The following LMX1A variants were observed in gnomAD, a reference collection of about 807,000 sequenced individuals.
LMX1A encodes the protein LIM homeobox transcription factor 1 alpha.
A neutral mutation model predicts 49.1 loss-of-function variants in LMX1A; 15 were observed. The observed-to-expected ratio is 0.31, with a 90% CI of 0.20 to 0.47. The LOEUF (loss-of-function observed/expected upper bound fraction) is 0.47, where lower values mean the gene tolerates loss of function less well. Among genes scored for constraint, LMX1A ranks in the 20% least tolerant of loss-of-function variants. LMX1A has a pLI of 1.00. For synonymous variants in LMX1A, 167 were observed against 185.7 expected, an observed-to-expected ratio of 0.90 and a Z score of 0.82; for missense variants, 372 against 475.8, an observed-to-expected ratio of 0.78 and a Z score of 2.03.
intron 3 of LMX1A, among the ~76,000 whole-genome samples, chr1:165,319,194 C>T (rs930727892): frequency 1.3e-5 from 2 of 152,106 alleles, no homozygotes; most frequent in South Asian, 4.2e-4. Context: ...ATTACCTCTA[C>T]TATTTAAATA....
intron 4 of LMX1A, among the ~76,000 whole-genome samples, chr1:165,241,794 T>C (rs1325863150): frequency 1.3e-5 from 2 of 152,158 alleles, no homozygotes; most frequent in Admixed American, 6.5e-5. Context: ...TGAAATACTT[T>C]TGTAACGAAT....
At chr1:165,341,894 C>A (rs1417760554) in intron 3 of LMX1A, among the ~76,000 whole-genome samples, 1 of 152,090 alleles carries the variant, frequency 6.6e-6, no homozygotes, top group Non-Finnish European at 1.5e-5. Flanking sequence ...AATTAATGAA[C>A]CAACTGTTTA....
intron 3 of LMX1A, among the ~76,000 whole-genome samples, chr1:165,337,226 A>G (rs1324368849): frequency 1.3e-5 from 2 of 152,260 alleles, no homozygotes; most frequent in African/African-American, 4.8e-5. Context: ...CTGAGAGTTA[A>G]GGCCACAATT....
chr1:165,279,510 G>T lies in LMX1A; in HGVS notation c.264-29870C>A, dbSNP rs543600846. On this transcript the variant is annotated intron_variant, in intron 3 of 8. Coordinates refer to ENST00000342310, the MANE Select transcript of LMX1A (RefSeq NM_177398.4). ...ATTAATTCCATCTACAATGCCATCTGCCCTTGAGAGAGAAGGCTGGTGCTG... is the reference window on the plus strand; with the variant it reads ...ATTAATTCCATCTACAATGCCATCTTCCCTTGAGAGAGAAGGCTGGTGCTG... 3.9e-5 allele frequency among the ~76,000 whole-genome samples: 6 copies of T among 152,302 alleles called. No homozygotes were observed. In the East Asian group the frequency reaches 9.6e-4, roughly 24 times the overall value.
chr1:165,281,675 A>G (rs1436046838), intron 3 of LMX1A, among the ~76,000 whole-genome samples: 4 of 152,154 alleles, frequency 2.6e-5, no homozygotes, highest in African/African-American at 9.7e-5. Context: ...ATGTGTAAAC[A>G]GCAACTGTTT....
chr1:165,279,255 T>C (rs55942806), intron 3 of LMX1A, among the ~76,000 whole-genome samples: 2,118 of 152,266 alleles, frequency 0.014, 14 homozygotes, highest in Non-Finnish European at 0.02. Flanking sequence ...GGTGGAGACT[T>C]CATCCAGTGG....
intron 3 of LMX1A, among the ~76,000 whole-genome samples, chr1:165,333,807 C>T (rs1027807): frequency 7.6e-4 from 115 of 152,222 alleles, no homozygotes; most frequent in African/African-American, 2.6e-3. Flanking sequence ...GATGACCGCC[C>T]TGGATCTTGG....
intron 3 of LMX1A, among the ~76,000 whole-genome samples, chr1:165,277,499 T>G (rs1429226220): frequency 1.3e-5 from 2 of 152,148 alleles, no homozygotes; most frequent in Non-Finnish European, 2.9e-5. Flanking sequence ...TGACACTCCC[T>G]CTCTCCTTGG....
At chr1:165,265,938 A>G (rs1653606282) in intron 3 of LMX1A, among the ~76,000 whole-genome samples, 1 of 152,240 alleles carries the variant, frequency 6.6e-6, no homozygotes, top group South Asian at 2.1e-4. Context: ...CCTTATAATT[A>G]GTAAATAGTG....
chr1:165,251,536 G>C (rs563424775), intron 3 of LMX1A, among the ~76,000 whole-genome samples: 75 of 152,244 alleles, frequency 4.9e-4, no homozygotes, highest in African/African-American at 1.7e-3. Flanking sequence ...CAGAAAGAAG[G>C]GGGCAGAGCC....
intron 4 of LMX1A, among the ~76,000 whole-genome samples, chr1:165,247,054 CTTTTTTTTTT>C (rs71097567): frequency 4.1e-4 from 22 of 53,228 alleles, no homozygotes; most frequent in East Asian, 7.9e-4. Flanking sequence ...TCAGCTTTTT[CTTTTTTTTTT>C]TTTTTTTTTT....
chr1:165,220,276 G>GA (rs1017516325), intron 4 of LMX1A, among the ~76,000 whole-genome samples: 67 of 147,708 alleles, frequency 4.5e-4, no homozygotes, highest in African/African-American at 1.2e-3. Context: ...AGTAAAAACT[G>GA]AAAAAAAAAA....
chr1:165,209,731 G>A (rs978360799), intron 6 of LMX1A, among the ~76,000 whole-genome samples: 3 of 152,182 alleles, frequency 2.0e-5, no homozygotes, highest in African/African-American at 7.2e-5. Context: ...TTGTAATAAA[G>A]CAGTAAATAT....
chr1:165,278,942 C>T (rs781758351), intron 3 of LMX1A, among the ~76,000 whole-genome samples: 1 of 152,186 alleles, frequency 6.6e-6, no homozygotes, highest in African/African-American at 2.4e-5. Flanking sequence ...TTATACAACA[C>T]CCTGAGGGAA....
At chr1:165,252,070 G>T (rs1395384223) in intron 3 of LMX1A, among the ~76,000 whole-genome samples, 1 of 152,094 alleles carries the variant, frequency 6.6e-6, no homozygotes, top group African/African-American at 2.4e-5. Context: ...GCAATTGCTG[G>T]CTCAAAATAT....
intron 3 of LMX1A, among the ~76,000 whole-genome samples, chr1:165,345,204 A>C (rs1656200325): frequency 6.6e-6 from 1 of 152,196 alleles, no homozygotes; most frequent in African/African-American, 2.4e-5. Context: ...GTCCTTTTAA[A>C]GATTCCTGAG....
intron 3 of LMX1A, among the ~76,000 whole-genome samples, chr1:165,280,325 G>A (rs1654108715): frequency 6.6e-6 from 1 of 152,072 alleles, no homozygotes; most frequent in African/African-American, 2.4e-5. Context: ...AAATGGTGGT[G>A]CTTTTAAATT....
At chr1:165,275,847 A>ATGTGTGTGTGTG (rs529022372) in intron 3 of LMX1A, among the ~76,000 whole-genome samples, 1,452 of 139,026 alleles carry the variant, frequency 0.01, 14 homozygotes, top group Non-Finnish European at 0.014. Context: ...GTGTGTGTGT[A>ATGTGTGTGTGTG]TGTGTGTGTG....
chr1:165,322,118 A>G (rs1247515588), intron 3 of LMX1A, among the ~76,000 whole-genome samples: 1 of 152,194 alleles, frequency 6.6e-6, no homozygotes, highest in East Asian at 1.9e-4. Flanking sequence ...AATCAAAACC[A>G]GAATGAGATA....
Sources: gnomAD v4.1 joint callset for allele counts (sites outside exome capture counted in the v4.1 genomes callset) on GRCh38, gnomAD v4.1.1 for gene constraint, MANE v1.5 for transcripts, NCBI Gene and HGNC (gene_info 2026-07-23, HGNC 2026-07-21) for gene names.